The following NAALADL2 variants were observed in gnomAD, a reference collection of about 807,000 sequenced individuals.
NAALADL2 encodes inactive N-acetylated-alpha-linked acidic dipeptidase-like protein 2.
In NAALADL2, 76 loss-of-function variants were observed where a neutral mutation model predicts 87.2. The observed-to-expected ratio is 0.87, with a 90% CI of 0.72 to 1.05. The LOEUF (loss-of-function observed/expected upper bound fraction) is 1.05, where lower values mean the gene tolerates loss of function less well. Ranked by LOEUF, NAALADL2 falls within the 50% of genes least tolerant of loss-of-function variation. The probability of loss-of-function intolerance (pLI) is 0.00; values close to 1 mark genes in which losing one functional copy is unlikely to be tolerated. For missense variants in NAALADL2, 1,089 were observed against 945.8 expected, an observed-to-expected ratio of 1.15 and a Z score of -1.99; for synonymous variants, 354 against 331.0, an observed-to-expected ratio of 1.07 and a Z score of -0.75.
intron 4 of NAALADL2, among the ~76,000 whole-genome samples, chr3:175,319,846 G>A (rs1387883678): frequency 6.6e-6 from 1 of 152,044 alleles, no homozygotes; most frequent in South Asian, 2.1e-4. Flanking sequence ...AATAGCTGTT[G>A]TGCCTAGGCT....
At chr3:175,623,628 A>C (rs542932851) in intron 10 of NAALADL2, among the ~76,000 whole-genome samples, 5 of 151,782 alleles carry the variant, frequency 3.3e-5, no homozygotes, top group Admixed American at 6.5e-5. Context: ...GATGACAGAT[A>C]GAGGAGGTGG....
At chr3:175,675,373 T>C (rs911718926) in intron 11 of NAALADL2, 1 of 152,202 alleles carries the variant, frequency 6.6e-6, no homozygotes, top group Non-Finnish European at 1.5e-5. Context: ...GTGTGAATAG[T>C]GGTACAAATG....
At chr3:174,670,398 G>C (rs1726420421) in intron 2 of NAALADL2, among the ~76,000 whole-genome samples, 1 of 151,940 alleles carries the variant, frequency 6.6e-6, no homozygotes. Context: ...GAGTTTTATT[G>C]TTGGCTGTAC....
At chr3:175,059,149 G>A (rs73038478) in intron 1 of NAALADL2, among the ~76,000 whole-genome samples, 29,998 of 150,850 alleles carry the variant, frequency 0.2, 3,967 homozygotes, top group African/African-American at 0.37. Context: ...CTGTTGCTGT[G>A]TGTACGTATT....
chr3:175,134,916 A>G (rs1032265932), intron 2 of NAALADL2, among the ~76,000 whole-genome samples: 2 of 152,210 alleles, frequency 1.3e-5, no homozygotes, highest in African/African-American at 2.4e-5. Context: ...AATTATACAA[A>G]CATATTATAG....
intron 11 of NAALADL2, among the ~76,000 whole-genome samples, chr3:175,666,621 T>G (rs1733039534): frequency 6.6e-6 from 1 of 151,994 alleles, no homozygotes; most frequent in African/African-American, 2.4e-5. Flanking sequence ...ACCAAAAGAG[T>G]TCAAATTTGT....
At chr3:174,674,091 G>C (rs1411916389) in intron 2 of NAALADL2, among the ~76,000 whole-genome samples, 2 of 151,972 alleles carry the variant, frequency 1.3e-5, no homozygotes, top group Non-Finnish European at 2.9e-5. Flanking sequence ...AGGTTCTGGG[G>C]AGGTCTCAGG....
At chr3:175,085,953 G>A (rs534969479) in intron 1 of NAALADL2, among the ~76,000 whole-genome samples, 1 of 152,146 alleles carries the variant, frequency 6.6e-6, no homozygotes, top group Non-Finnish European at 1.5e-5. Flanking sequence ...GTAATAGACA[G>A]GTTATAATTG....
chr3:174,595,216 T>C (rs1181284175), intron 2 of NAALADL2, among the ~76,000 whole-genome samples: 7 of 152,210 alleles, frequency 4.6e-5, no homozygotes, highest in South Asian at 2.1e-4. Flanking sequence ...ACACCTCACA[T>C]CCATCAGTTT....
chr3:174,909,639 TG>T (rs1263841206), intron 1 of NAALADL2, among the ~76,000 whole-genome samples: 1 of 152,168 alleles, frequency 6.6e-6, no homozygotes, highest in Non-Finnish European at 1.5e-5. Context: ...GTTACCTACT[TG>T]GTTTCAAATA....
intron 1 of NAALADL2, among the ~76,000 whole-genome samples, chr3:174,893,605 T>C (rs1731132340): frequency 6.6e-6 from 1 of 152,220 alleles, no homozygotes; most frequent in African/African-American, 2.4e-5. Context: ...GCTTATTTGA[T>C]TGATTATTGA....
At chr3:175,679,360 T>C (rs1411824292) in intron 11 of NAALADL2, among the ~76,000 whole-genome samples, 3 of 152,126 alleles carry the variant, frequency 2.0e-5, no homozygotes, top group Non-Finnish European at 4.4e-5. Flanking sequence ...ATGCATTTGA[T>C]GAAACTCAAC....
At chr3:174,814,540 ATGTG>A (rs1464645236) in intron 3 of NAALADL2, among the ~76,000 whole-genome samples, 1 of 152,118 alleles carries the variant, frequency 6.6e-6, no homozygotes, top group African/African-American at 2.4e-5. Context: ...AAGTACTACT[ATGTG>A]TGTACCTTGT....
At chr3:175,581,164 G>T (rs186912691) in intron 10 of NAALADL2, 2 of 387,290 alleles carry the variant, frequency 5.2e-6, no homozygotes, top group South Asian at 3.8e-5. Context: ...TGAATAGGCC[G>T]GACGCGGTGG....
chr3:175,464,724 C>T (rs1418428722), intron 7 of NAALADL2, among the ~76,000 whole-genome samples: 1 of 152,168 alleles, frequency 6.6e-6, no homozygotes, highest in Non-Finnish European at 1.5e-5. Flanking sequence ...TGCTGGCCAA[C>T]TCTTACAAAG....
At chr3:174,549,079 G>A in intron 1 of NAALADL2, among the ~76,000 whole-genome samples, 1 of 152,190 alleles carries the variant, frequency 6.6e-6, no homozygotes, top group East Asian at 1.9e-4. Context: ...GGGCTCAAAT[G>A]TTTCACCTGC....
At chr3:175,595,462 T>C (rs554621348) in intron 10 of NAALADL2, among the ~76,000 whole-genome samples, 2 of 152,126 alleles carry the variant, frequency 1.3e-5, no homozygotes, top group South Asian at 2.1e-4. Context: ...TAGCTGATGA[T>C]GATTTGATAC....
intron 5 of NAALADL2, among the ~76,000 whole-genome samples, chr3:175,405,251 C>A: frequency 6.6e-6 from 1 of 152,132 alleles, no homozygotes. Flanking sequence ...AATTTTATCT[C>A]TGTAAGTTAT....
In NAALADL2 at chr3:175,198,683, T is replaced by A. The variant is rs575239577; in HGVS notation, c.546-35248T>A. On this transcript the variant is annotated intron_variant, in intron 2 of 13. Coordinates refer to ENST00000454872, the MANE Select transcript of NAALADL2 (RefSeq NM_207015.3). ...GGGAATAAAGTTAAGCAAAAGGACTTTCCACAGCTTTCTAGGCTGAAACCT... is the reference window on the plus strand; with the variant it reads ...GGGAATAAAGTTAAGCAAAAGGACTATCCACAGCTTTCTAGGCTGAAACCT... Among the ~76,000 whole-genome samples the A allele has an allele frequency of 8.0e-4, 122 of 152,110 alleles. 1 individual carries two copies. Among genetic ancestry groups the A allele is most frequent in the African/African-American group, 2.9e-3 (119 of 41,508 alleles).
Sources: allele counts gnomAD v4.1 joint callset (sites outside exome capture counted in the v4.1 genomes callset), GRCh38; gene constraint gnomAD v4.1.1; transcripts MANE v1.5; gene names NCBI Gene and HGNC (gene_info 2026-07-23, HGNC 2026-07-21).